Variants in HIBCH observed in about 807,000 individuals in gnomAD.
HIBCH encodes the protein 3-hydroxyisobutyryl-CoA hydrolase, mitochondrial.
In HIBCH, 50 loss-of-function variants were observed where a neutral mutation model predicts 58.2. That is an observed-to-expected ratio of 0.86 (90% confidence interval 0.68 to 1.09). HIBCH has a LOEUF of 1.09. HIBCH is among the 50% of genes least tolerant of loss of function. The pLI, the probability that HIBCH is intolerant of heterozygous loss-of-function variation, is 0.00. For missense variants in HIBCH, 450 were observed against 449.7 expected (o/e 1.00, Z -0.01); for synonymous variants, 151 against 146.9 (o/e 1.03, Z -0.20).
chr2:190,231,411 T>C (rs1210426618), intron 11 of HIBCH, among the ~76,000 whole-genome samples: 1 of 152,138 alleles, frequency 6.6e-6, no homozygotes, highest in East Asian at 1.9e-4. Context: ...TTTACATTAA[T>C]AAAGGGCAAA....
intron 11 of HIBCH, among the ~76,000 whole-genome samples, chr2:190,225,014 A>G (rs1463704656): frequency 6.6e-6 from 1 of 152,238 alleles, no homozygotes; most frequent in African/African-American, 2.4e-5. Context: ...TTGCTCCTGA[A>G]TGACTACTAG....
At chr2:190,225,159 A>T (rs1403304876) in intron 11 of HIBCH, among the ~76,000 whole-genome samples, 4 of 152,246 alleles carry the variant, frequency 2.6e-5, no homozygotes, top group Non-Finnish European at 5.9e-5. Flanking sequence ...TGCCCACAAG[A>T]GAAAGAAGGA....
intron 2 of HIBCH, 101 bp from the exon 3 acceptor site, chr2:190,297,054 G>T: frequency 9.4e-7 from 1 of 1,065,706 alleles, no homozygotes; most frequent in Non-Finnish European, 1.4e-6. Flanking sequence ...CATATTAATG[G>T]TAACTAAAGG....
chr2:190,247,993 G>C (rs1400403971), intron 9 of HIBCH, among the ~76,000 whole-genome samples: 2 of 152,206 alleles, frequency 1.3e-5, no homozygotes, highest in Non-Finnish European at 2.9e-5. Flanking sequence ...TTGCCATGGT[G>C]TGGAACCAAA....
At chr2:190,278,236 G>A (rs140194830) in intron 6 of HIBCH, among the ~76,000 whole-genome samples, 2,001 of 151,704 alleles carry the variant, frequency 0.013, 53 homozygotes, top group African/African-American at 0.044. Flanking sequence ...ATGGAGTCTC[G>A]CTCTGTCGCC....
chr2:190,259,102 C>A (rs1234653523), intron 7 of HIBCH, among the ~76,000 whole-genome samples: 1 of 152,038 alleles, frequency 6.6e-6, no homozygotes, highest in Non-Finnish European at 1.5e-5. Context: ...TATTTGCAGT[C>A]TTCTTTGGTT....
chr2:190,211,247 C>T lies in HIBCH; in HGVS notation c.1011+1709G>A, dbSNP rs1275331785. Among the ~76,000 whole-genome samples, 1 of 152,148 alleles carries T rather than the reference C, an allele frequency of 6.6e-6. No homozygotes were observed. The highest frequency in any genetic ancestry group is 1.5e-5 in the Non-Finnish European group (1 of 68,028). On this transcript the variant is annotated intron_variant, in intron 12 of 13. Coordinates refer to ENST00000359678, the MANE Select transcript of HIBCH (RefSeq NM_014362.4). The surrounding 1 kb of genome is among the most constrained non-coding windows in gnomAD (Gnocchi z 5.0). ...CTGTTGGTGTCTTTCAGATTTAAAT[C>T]TCCAACTCATTCCTCTAATCTCTAA...
intron 2 of HIBCH, among the ~76,000 whole-genome samples, chr2:190,307,713 G>GA (rs34421312): frequency 6.6e-6 from 1 of 151,658 alleles, no homozygotes; most frequent in Admixed American, 6.6e-5. Context: ...GGAGAAAGAA[G>GA]AAAAAAAAAT....
rs567600770 is a variant in HIBCH at position 190,270,906 on chromosome 2, A to G, written c.439-9672T>C. Among the ~76,000 whole-genome samples, 6 of 150,194 alleles carry G rather than the reference A, an allele frequency of 4.0e-5. No individual in the cohort carries two copies. In the East Asian group the frequency reaches 1.2e-3, roughly 29 times the overall value. On this transcript the variant is annotated intron_variant, in intron 6 of 13. Coordinates refer to ENST00000359678, the MANE Select transcript of HIBCH (RefSeq NM_014362.4). ...GGACTAACACATAGAGATTAGCACC[A>G]AACAGATTTTTTTTACCCTGCTATT...
intron 2 of HIBCH, among the ~76,000 whole-genome samples, chr2:190,305,515 T>C (rs1175956903): frequency 6.6e-6 from 1 of 152,170 alleles, no homozygotes; most frequent in Non-Finnish European, 1.5e-5. Context: ...TCATATTGGA[T>C]TGAGGCCCAC....
intron 1 of HIBCH, among the ~76,000 whole-genome samples, chr2:190,316,418 C>G (rs999674631): frequency 6.6e-6 from 1 of 152,034 alleles, no homozygotes; most frequent in African/African-American, 2.4e-5. Flanking sequence ...GTCACCATGC[C>G]CAGCCGAGCA....
rs1289960812 is a variant in HIBCH, at chr2:190,306,351, G to A, written c.78+4403C>T. Among the ~76,000 whole-genome samples the A allele has an allele frequency of 6.6e-6, 1 of 152,080 alleles. No individual in the cohort carries two copies. The highest frequency in any genetic ancestry group is 2.4e-5 in the African/African-American group (1 of 41,398). On this transcript the variant is annotated intron_variant, in intron 2 of 13. Transcript: ENST00000359678. The surrounding 1 kb of genome is among the most constrained non-coding windows in gnomAD (Gnocchi z 4.6). ...ACTCCTTGCCTGGGTCATTTTCAAG[G>A]TAGCCACCATGAAGAAAAAGGTCTT...
At chr2:190,212,334 C>T (rs1690532363) in intron 12 of HIBCH, among the ~76,000 whole-genome samples, 1 of 152,134 alleles carries the variant, frequency 6.6e-6, no homozygotes, top group African/African-American at 2.4e-5. Context: ...CAAATAGTCC[C>T]TTTAGTCCAT....
In HIBCH at chr2:190,265,885, GCTTTT is replaced by G. The variant is rs1417547216; in HGVS notation, c.439-4656_439-4652del. Among the ~76,000 whole-genome samples the G allele has an allele frequency of 3.3e-5, 5 of 151,904 alleles. No homozygotes were observed. In the East Asian group the frequency reaches 9.7e-4, roughly 29 times the overall value. Reference sequence around the variant, plus strand: ...CATTTCCGTATTTGTAACATACTTTGCTTTTATCTTTGTCTTTACCAACTTATCAC... The same window carrying G: ...CATTTCCGTATTTGTAACATACTTTGATCTTTGTCTTTACCAACTTATCAC... On this transcript the variant is annotated intron_variant, in intron 6 of 13. Coordinates refer to ENST00000359678, the MANE Select transcript of HIBCH (RefSeq NM_014362.4).
At chr2:190,303,052 T>G (rs1439445346) in intron 2 of HIBCH, among the ~76,000 whole-genome samples, 2 of 152,072 alleles carry the variant, frequency 1.3e-5, no homozygotes, top group African/African-American at 4.8e-5. Context: ...GAGTTACAGA[T>G]AGAACAAGAA....
At position 190,254,650 on chromosome 2, in the gene HIBCH, C is replaced by T. The variant is rs1686873785; in HGVS notation, c.518-2343G>A. ...AAACCTCCAACTACACTGCTCCTTC[C>T]CTCATCAGCCTCATCCATCAAAGTA... On this transcript the variant is annotated intron_variant, in intron 7 of 13. Transcript: ENST00000359678. The surrounding 1 kb of genome is among the most constrained non-coding windows in gnomAD (Gnocchi z 5.0). Among the ~76,000 whole-genome samples, 2 of 152,300 alleles carry T rather than the reference C, an allele frequency of 1.3e-5. No individual in the cohort carries two copies. Among genetic ancestry groups the T allele is most frequent in the African/African-American group, 2.4e-5 (1 of 41,568 alleles).
In HIBCH at chr2:190,246,218, TGAAAA is replaced by T. The variant is rs931928379; in HGVS notation, c.751-11_751-7del. 3.2e-6 allele frequency: 5 copies of T among 1,552,898 alleles called. No homozygotes were observed. The highest frequency in any genetic ancestry group is 1.4e-5 in the African/African-American group (1 of 73,402). ...TTGTCTCGATCAATCTTAGACTGTTTGAAAAGAAAAATCTTTTAATAAATTTGAAC... is the reference window on the plus strand; with the variant it reads ...TTGTCTCGATCAATCTTAGACTGTTTGAAAAATCTTTTAATAAATTTGAAC... On this transcript the variant is annotated splice_polypyrimidine_tract_variant and splice_region_variant and intron_variant, in intron 9 of 13. Coordinates refer to ENST00000359678, the MANE Select transcript of HIBCH (RefSeq NM_014362.4).
chr2:190,282,887 AC>A (rs1687741520), intron 6 of HIBCH, among the ~76,000 whole-genome samples: 1 of 151,732 alleles, frequency 6.6e-6, no homozygotes, highest in African/African-American at 2.4e-5. Flanking sequence ...CCCTTTCCAG[AC>A]CATCTAATAC....
Position 190,312,413 on chromosome 2 carries a change from C to G in HIBCH, c.36-1617G>C, listed in dbSNP as rs571849181. ...AAGAGGTCAAAGCTAGAATCAGTAG[C>G]TGCAGCAGCCTGATAAGGGCTGTGC... On this transcript the variant is annotated intron_variant, in intron 1 of 13. Transcript: ENST00000359678. Among the ~76,000 whole-genome samples, 3 of 152,334 alleles carry G rather than the reference C, an allele frequency of 2.0e-5. No homozygotes were observed. In the East Asian group the frequency reaches 5.8e-4, roughly 29 times the overall value.
Sources: gnomAD v4.1 joint callset for allele counts (sites outside exome capture counted in the v4.1 genomes callset) on GRCh38, gnomAD v4.1.1 for gene constraint, Gnocchi (gnomAD v3.1) non-coding constraint, MANE v1.5 for transcripts, NCBI Gene and HGNC (gene_info 2026-07-23, HGNC 2026-07-21) for gene names.